ABCB1: variants seen among roughly 807,000 people sequenced by gnomAD.
ABCB1 encodes the protein ATP-dependent translocase ABCB1.
A neutral mutation model predicts 142.0 loss-of-function variants in ABCB1; 69 were observed. That is an observed-to-expected ratio of 0.49 (90% confidence interval 0.40 to 0.59). ABCB1 has a LOEUF of 0.59. Ranked by LOEUF, ABCB1 falls within the 20% of genes least tolerant of loss-of-function variation. The probability of loss-of-function intolerance (pLI) is 0.00; values close to 1 mark genes in which losing one functional copy is unlikely to be tolerated. For synonymous variants in ABCB1, 532 were observed against 539.2 expected (o/e 0.99, Z 0.18); for missense variants, 1,326 against 1,554.7 (o/e 0.85, Z 2.47).
At chr7:87,589,656 G>A (rs1006036258) in intron 3 of ABCB1, among the ~76,000 whole-genome samples, 5 of 152,010 alleles carry the variant, frequency 3.3e-5, no homozygotes, top group Admixed American at 6.6e-5. Context: ...GTGATGGCAT[G>A]TGCCTGGGGT....
chr7:87,610,214 C>A (rs376697570), intron 1 of ABCB1, among the ~76,000 whole-genome samples: 2 of 149,350 alleles, frequency 1.3e-5, no homozygotes, highest in South Asian at 2.1e-4. Flanking sequence ...TTCTTATGTA[C>A]GAACTAGCTT....
At chr7:87,672,183 G>A (rs1825888335) in intron 1 of ABCB1, among the ~76,000 whole-genome samples, 1 of 152,214 alleles carries the variant, frequency 6.6e-6, no homozygotes, top group African/African-American at 2.4e-5. Context: ...ACACAGGCAG[G>A]GATGGCTAGA....
chr7:87,659,812 C>A (rs1446081757), intron 1 of ABCB1, among the ~76,000 whole-genome samples: 2 of 152,074 alleles, frequency 1.3e-5, no homozygotes, highest in African/African-American at 4.8e-5. Context: ...CATAAAATAG[C>A]CAGAGTTTTT....
At chr7:87,626,774 C>CAGAG (rs757569014) in intron 1 of ABCB1, among the ~76,000 whole-genome samples, 6 of 119,362 alleles carry the variant, frequency 5.0e-5, no homozygotes, top group African/African-American at 1.0e-4. Context: ...ATATATATGT[C>CAGAG]AGAGAGAGAG....
chr7:87,539,441 G>T, intron 18 of ABCB1, 96 bp from the exon 19 acceptor site: 2 of 1,224,900 alleles, frequency 1.6e-6, no homozygotes, highest in South Asian at 1.3e-5. Flanking sequence ...ATCAGACAAA[G>T]TCAGAAAGCC....
chr7:87,558,117 C>T (rs566324471), intron 8 of ABCB1, among the ~76,000 whole-genome samples: 2 of 152,156 alleles, frequency 1.3e-5, no homozygotes, highest in African/African-American at 2.4e-5. Flanking sequence ...TTCACACTAC[C>T]AGTGTTGTCC....
rs893387294 is a variant in ABCB1 at position 87,531,262 on chromosome 7, T to C, written c.2685+32A>G. ...CACTGATTAGAATACTTTACTCTAC[T>C]TAATTAATCAATCATATTTAGTTTG... On this transcript the variant is annotated intron_variant, in intron 21 of 27. Transcript: ENST00000622132. The C allele has an allele frequency of 3.2e-6, 5 of 1,561,010 alleles. No individual in the cohort carries two copies. The African/African-American group carries it at 6.8e-5, about 21-fold the overall frequency.
intron 5 of ABCB1, among the ~76,000 whole-genome samples, chr7:87,569,242 A>C (rs1384842587): frequency 6.6e-6 from 1 of 151,818 alleles, no homozygotes; most frequent in Non-Finnish European, 1.5e-5. Flanking sequence ...CTGAGACACA[A>C]GAATCGCTTG....
chr7:87,555,963 G>T (rs1028792485), intron 8 of ABCB1, among the ~76,000 whole-genome samples: 1 of 152,146 alleles, frequency 6.6e-6, no homozygotes, highest in Non-Finnish European at 1.5e-5. Context: ...GCACAAGGAA[G>T]AAAATCATTT....
intron 21 of ABCB1, among the ~76,000 whole-genome samples, chr7:87,530,759 T>C (rs1340198894): frequency 6.9e-6 from 1 of 145,978 alleles, no homozygotes; most frequent in Non-Finnish European, 1.5e-5. Flanking sequence ...CTTTCCTCAA[T>C]AAAGGAATGG....
intron 1 of ABCB1, among the ~76,000 whole-genome samples, chr7:87,654,919 C>T (rs1468931682): frequency 6.6e-6 from 1 of 151,906 alleles, no homozygotes; most frequent in Non-Finnish European, 1.5e-5. Context: ...ATTCAAATGG[C>T]CAACAGGTAT....
At chr7:87,648,281 T>TC (rs1397951479) in intron 1 of ABCB1, among the ~76,000 whole-genome samples, 2 of 151,766 alleles carry the variant, frequency 1.3e-5, no homozygotes, top group Non-Finnish European at 2.9e-5. Context: ...AAATCATTGA[T>TC]CATGGGAATG....
intron 4 of ABCB1, among the ~76,000 whole-genome samples, chr7:87,585,284 G>A (rs1241080017): frequency 6.6e-6 from 1 of 151,978 alleles, no homozygotes; most frequent in Non-Finnish European, 1.5e-5. Flanking sequence ...ACTTCACAGG[G>A]CTCTCTCTTT....
At chr7:87,600,058 A>G in intron 2 of ABCB1, 59 bp downstream of exon 2, 2 of 1,469,572 alleles carry the variant, frequency 1.4e-6, no homozygotes, top group Non-Finnish European at 1.9e-6. Context: ...TGGAGGCTAG[A>G]AATAAATTAC....
At chr7:87,573,018 T>C (rs1818116138) in intron 4 of ABCB1, among the ~76,000 whole-genome samples, 1 of 152,192 alleles carries the variant, frequency 6.6e-6, no homozygotes. Context: ...CCTATGTAAC[T>C]ATATTAGTCT....
chr7:87,506,102 G>A, intron 26 of ABCB1, 59 bp from the exon 27 acceptor site: 1 of 1,566,614 alleles, frequency 6.4e-7, no homozygotes, highest in Non-Finnish European at 8.8e-7. Flanking sequence ...CTAACAGCTT[G>A]CTTATAGAAA....
At chr7:87,539,150 G>T in intron 19 of ABCB1, 118 bp downstream of exon 19, 1 of 1,094,604 alleles carries the variant, frequency 9.1e-7, no homozygotes. Flanking sequence ...GTGAGACTGA[G>T]GGACAACCAA....
At chr7:87,591,499 G>A (rs530320711) in intron 3 of ABCB1, among the ~76,000 whole-genome samples, 1 of 152,246 alleles carries the variant, frequency 6.6e-6, no homozygotes, top group Admixed American at 6.5e-5. Context: ...ATAGAGGAAA[G>A]CTCACCCAGA....
intron 7 of ABCB1, 77 bp downstream of exon 7, chr7:87,565,993 A>T (rs1330012816): frequency 6.6e-7 from 1 of 1,514,260 alleles, no homozygotes; most frequent in Non-Finnish European, 9.2e-7. Context: ...ATCATGTAGT[A>T]AAAAGACCTT....
Sources: gnomAD v4.1 joint callset for allele counts (sites outside exome capture counted in the v4.1 genomes callset) on GRCh38, gnomAD v4.1.1 for gene constraint, MANE v1.5 for transcripts, NCBI Gene and HGNC (gene_info 2026-07-23, HGNC 2026-07-21) for gene names.